RHOBTB3: variants seen among roughly 807,000 people sequenced by gnomAD.
The protein encoded by RHOBTB3 is Rho related BTB domain containing 3, also known as rho-related BTB domain-containing protein 3.
Under a neutral mutation model 67.2 loss-of-function variants are expected in RHOBTB3, and 47 were observed. That is an observed-to-expected ratio of 0.70 (90% confidence interval 0.55 to 0.89). RHOBTB3 has a LOEUF of 0.89. Among genes scored for constraint, RHOBTB3 ranks in the 40% least tolerant of loss-of-function variants. The pLI is 0.00. For missense variants in RHOBTB3, 631 were observed against 750.0 expected (o/e 0.84, Z 1.85); for synonymous variants, 273 against 274.2 (o/e 1.00, Z 0.04).
At chr5:95,777,516 GA>G (rs1745923664) in intron 8 of RHOBTB3, among the ~76,000 whole-genome samples, 1 of 152,132 alleles carries the variant, frequency 6.6e-6, no homozygotes, top group South Asian at 2.1e-4. Flanking sequence ...CAGTTTCAAG[GA>G]ACATGATTAT....
chr5:95,793,068 G>A lies in RHOBTB3; in HGVS notation c.1730G>A (p.Arg577His), dbSNP rs369189307. The A allele has an allele frequency of 2.1e-5, 34 of 1,611,110 alleles. No homozygotes were observed. Among genetic ancestry groups the A allele is most frequent in the Middle Eastern group, 3.3e-4 (2 of 6,078 alleles). ...TTTCTTAAAACTTCAGTGGAAGAAC[G>A]CAGTTTTGTTGAAAAGCACAGATGG... ...PEFQDLSVEE[R>H]SFVEKHRWPS... is the part of the protein sequence containing the mutation. Residue 577 changes from arginine to histidine, a missense_variant, in exon 12 of 12, where the codon CGC becomes CAC. Physicochemically the swap from Arg to His is conservative, Grantham distance 29 (BLOSUM62 0). Transcript: ENST00000379982.
chr5:95,792,734 G>C (rs1396772230), intron 11 of RHOBTB3, among the ~76,000 whole-genome samples: 1 of 150,468 alleles, frequency 6.6e-6, no homozygotes, highest in African/African-American at 2.4e-5. Context: ...AGAGGTTGCA[G>C]TGAGCTGAGA....
At chr5:95,743,211 T>G (rs1368607434) in intron 3 of RHOBTB3, among the ~76,000 whole-genome samples, 1 of 152,256 alleles carries the variant, frequency 6.6e-6, no homozygotes, top group Non-Finnish European at 1.5e-5. Context: ...TTTTATTTTA[T>G]GGTATGGATA....
intron 8 of RHOBTB3, among the ~76,000 whole-genome samples, chr5:95,775,859 C>T (rs1479786137): frequency 6.6e-6 from 1 of 152,004 alleles, no homozygotes; most frequent in Non-Finnish European, 1.5e-5. Flanking sequence ...AAACTTAAGA[C>T]AGACCCTCAA....
At chr5:95,746,694 A>G (rs1744926791) in intron 3 of RHOBTB3, among the ~76,000 whole-genome samples, 2 of 152,168 alleles carry the variant, frequency 1.3e-5, no homozygotes, top group African/African-American at 2.4e-5. Flanking sequence ...TGGAGCAAGT[A>G]GCAGTGTTAT....
Position 95,783,909 on chromosome 5 carries a change from C to T in RHOBTB3, c.1569C>T (p.Ser523=). The T allele has an allele frequency of 6.2e-7, 1 of 1,613,932 alleles. No homozygotes were observed. ...TTACCCAGCTGCAGAGCATGCCAAG[C>T]AGGGAACTGGCATCCATGAACCTTG... ...FIITQLQSMP[S]RELASMNLDI... The change falls in exon 10 of 12, where the codon AGC becomes AGT. Residue 523 remains serine, a synonymous_variant. Transcript: ENST00000379982.
At chr5:95,786,777 T>C (rs1746235744) in intron 10 of RHOBTB3, among the ~76,000 whole-genome samples, 1 of 152,256 alleles carries the variant, frequency 6.6e-6, no homozygotes, top group Admixed American at 6.5e-5. Context: ...TATGGTTTTT[T>C]AATGCCTTTT....
At chr5:95,749,202 A>G (rs980570834) in intron 4 of RHOBTB3, among the ~76,000 whole-genome samples, 1 of 152,240 alleles carries the variant, frequency 6.6e-6, no homozygotes, top group Non-Finnish European at 1.5e-5. Flanking sequence ...CAACAGACAA[A>G]TCTGATATAC....
chr5:95,767,550 C>A (rs1257572085), intron 7 of RHOBTB3, among the ~76,000 whole-genome samples: 1 of 152,152 alleles, frequency 6.6e-6, no homozygotes, highest in African/African-American at 2.4e-5. Flanking sequence ...GTTGGCCAGG[C>A]TGGTCTCAAA....
At chr5:95,777,163 G>A (rs546443530) in intron 8 of RHOBTB3, among the ~76,000 whole-genome samples, 4 of 152,286 alleles carry the variant, frequency 2.6e-5, no homozygotes, top group South Asian at 2.1e-4. Context: ...ATATGAGTCT[G>A]TCACATGAAG....
At chr5:95,739,434 G>GA (rs1755540496) in intron 3 of RHOBTB3, among the ~76,000 whole-genome samples, 1 of 151,644 alleles carries the variant, frequency 6.6e-6, no homozygotes, top group African/African-American at 2.4e-5. Flanking sequence ...CCTTCATAAG[G>GA]AAAAAAACCC....
intron 10 of RHOBTB3, among the ~76,000 whole-genome samples, chr5:95,785,453 G>A (rs890103385): frequency 6.6e-6 from 1 of 152,128 alleles, no homozygotes; most frequent in Non-Finnish European, 1.5e-5. Context: ...AATTAGCTGG[G>A]TATAGTGGCG....
intron 9 of RHOBTB3, 66 bp downstream of exon 9, chr5:95,780,491 T>C (rs917614180): frequency 1.6e-4 from 215 of 1,351,266 alleles, no homozygotes; most frequent in Non-Finnish European, 2.2e-4. Context: ...TTTTGTTAAA[T>C]TGCACTCTGT....
intron 3 of RHOBTB3, 107 bp from the exon 4 acceptor site, chr5:95,748,226 C>A: frequency 1.4e-6 from 1 of 710,050 alleles, no homozygotes; most frequent in Non-Finnish European, 2.2e-6. Context: ...TGCTTTTGAA[C>A]TGTGGCTCTA....
At chr5:95,726,802 T>G (rs1168739757), upstream of RHOBTB3, among the ~76,000 whole-genome samples, 2 of 152,200 alleles carry the variant, frequency 1.3e-5, no homozygotes, top group Admixed American at 6.5e-5. Flanking sequence ...TGGCAATATA[T>G]TGAAAGTGAA....
At chr5:95,727,064 A>G (rs997226011), upstream of RHOBTB3, among the ~76,000 whole-genome samples, 9 of 152,154 alleles carry the variant, frequency 5.9e-5, no homozygotes. Flanking sequence ...CTGGCTCTAG[A>G]TAAGTAGTCT....
At chr5:95,738,337 G>A (rs1196579974) in intron 3 of RHOBTB3, among the ~76,000 whole-genome samples, 2 of 152,080 alleles carry the variant, frequency 1.3e-5, no homozygotes, top group Non-Finnish European at 2.9e-5. Context: ...TCTTCAGTCC[G>A]CTACAGTCTG....
intron 3 of RHOBTB3, among the ~76,000 whole-genome samples, chr5:95,739,254 C>T (rs143426923): frequency 4.6e-5 from 7 of 152,278 alleles, no homozygotes; most frequent in Non-Finnish European, 8.8e-5. Context: ...ATTAAGAAGC[C>T]CTTTTGCTTT....
intron 3 of RHOBTB3, among the ~76,000 whole-genome samples, chr5:95,742,879 T>C (rs1347282219): frequency 2.0e-5 from 3 of 152,198 alleles, no homozygotes; most frequent in Non-Finnish European, 4.4e-5. Context: ...AAGACCATCC[T>C]GGCTAACACA....
Sources: allele counts gnomAD v4.1 joint callset (sites outside exome capture counted in the v4.1 genomes callset), GRCh38; gene constraint gnomAD v4.1.1; transcripts MANE v1.5; gene names NCBI Gene and HGNC (gene_info 2026-07-23, HGNC 2026-07-21).